Variants in NDC1 observed in about 807,000 individuals in gnomAD.
The protein encoded by NDC1 is NDC1 transmembrane nucleoporin, also known as nucleoporin NDC1.
Under a neutral mutation model 89.8 loss-of-function variants are expected in NDC1, and 24 were observed. The ratio of observed to expected loss-of-function variants is 0.27; its 90% confidence interval spans 0.19 to 0.38. The LOEUF is 0.38. Ranked by LOEUF, NDC1 falls within the 10% of genes least tolerant of loss-of-function variation. The pLI, the probability that NDC1 is intolerant of heterozygous loss-of-function variation, is 1.00. For missense variants in NDC1, 728 were observed against 797.6 expected (o/e 0.91, Z 1.05); for synonymous variants, 296 against 284.8 (o/e 1.04, Z -0.39).
At chr1:53,817,721 C>T (rs1298095719) in intron 6 of NDC1, among the ~76,000 whole-genome samples, 3 of 151,964 alleles carry the variant, frequency 2.0e-5, no homozygotes, top group Non-Finnish European at 4.4e-5. Flanking sequence ...TAGAAATGGA[C>T]TATATAAACT....
intron 15 of NDC1, 40 bp downstream of exon 15, chr1:53,789,093 A>G (rs1237015198): frequency 7.9e-7 from 1 of 1,265,686 alleles, no homozygotes; most frequent in Admixed American, 1.8e-5. Flanking sequence ...TATTTAACTG[A>G]CAATTAAAAT....
At position 53,806,470 on chromosome 1, in the gene NDC1, C is replaced by G. The variant is rs1648113764; in HGVS notation, c.939G>C (p.Glu313Asp). The change falls in exon 9 of 18, where the codon GAG becomes GAC. Residue 313 changes from glutamate (E) to aspartate (D), a missense_variant. Glu to Asp is a conservative substitution (Grantham distance 45). Transcript: ENST00000371429. ...VQPPFAEGSD[E>D]CLPKVLNSNP... ...TGCTATTTAACACTTTTGGAAGGCA[C>G]TCATCTGACCCTTCTGCAAATGGTG... 2 of 1,530,972 alleles carry G rather than the reference C, an allele frequency of 1.3e-6. No individual in the cohort carries two copies. The highest frequency in any genetic ancestry group is 1.7e-6 in the Non-Finnish European group (2 of 1,145,968). 94.8% of individuals were successfully genotyped at this position (1,530,972 alleles called of 1,614,324 possible).
intron 16 of NDC1, among the ~76,000 whole-genome samples, chr1:53,784,349 GA>G (rs1647254856): frequency 6.6e-6 from 1 of 152,140 alleles, no homozygotes; most frequent in Non-Finnish European, 1.5e-5. Flanking sequence ...TCTCTCTGAA[GA>G]AAGAATAAGG....
At chr1:53,813,407 C>T (rs962206020) in intron 6 of NDC1, among the ~76,000 whole-genome samples, 2 of 152,092 alleles carry the variant, frequency 1.3e-5, no homozygotes, top group African/African-American at 4.8e-5. Context: ...CAAGGACCCA[C>T]ATAAACTTAA....
At chr1:53,792,011 C>T (rs1020297404) in intron 14 of NDC1, among the ~76,000 whole-genome samples, 9 of 151,236 alleles carry the variant, frequency 6.0e-5, no homozygotes, top group East Asian at 1.9e-4. Context: ...GGCTCTATCT[C>T]GGCTCACTGC....
intron 5 of NDC1, among the ~76,000 whole-genome samples, chr1:53,824,902 G>C (rs1043995206): frequency 2.0e-5 from 3 of 152,140 alleles, no homozygotes; most frequent in Admixed American, 6.5e-5. Flanking sequence ...GGCCATCCAC[G>C]ATGGCTCACA....
intron 9 of NDC1, among the ~76,000 whole-genome samples, chr1:53,805,235 A>AAGTGCAGTGGCAGGCAAG (rs2100661428): frequency 6.6e-6 from 1 of 152,226 alleles, no homozygotes; most frequent in South Asian, 2.1e-4. Flanking sequence ...ACCCAGGCTA[A>AAGTGCAGTGGCAGGCAAG]AGTGCAGTGG....
chr1:53,804,033 T>C lies in NDC1; in HGVS notation c.985-24A>G, dbSNP rs200405644. 45 of 1,565,118 alleles carry C rather than the reference T, an allele frequency of 2.9e-5. No individual in the cohort carries two copies. In the African/African-American group the frequency reaches 5.0e-4, roughly 17 times the overall value. On this transcript the variant is annotated intron_variant, in intron 9 of 17. Transcript: ENST00000371429. ...TACTAACAGGGGGAAAAAACACATA[T>C]TATTTAATTTTTTTTAACCTCTACA...
chr1:53,795,004 A>G (rs1647651148), intron 13 of NDC1, among the ~76,000 whole-genome samples: 1 of 151,986 alleles, frequency 6.6e-6, no homozygotes, highest in Admixed American at 6.6e-5. Flanking sequence ...TCGTCTACCA[A>G]TCTCTCCTGA....
intron 3 of NDC1, among the ~76,000 whole-genome samples, chr1:53,828,637 G>A (rs1648954684): frequency 6.6e-6 from 1 of 151,400 alleles, no homozygotes; most frequent in Non-Finnish European, 1.5e-5. Flanking sequence ...TTGAGACGGA[G>A]TTTCGCTCTT....
At chr1:53,825,348 T>A (rs1201805976) in intron 5 of NDC1, among the ~76,000 whole-genome samples, 2 of 150,184 alleles carry the variant, frequency 1.3e-5, no homozygotes, top group Non-Finnish European at 3.0e-5. Flanking sequence ...TGATGGCATG[T>A]GGAGGCTGAG....
intron 7 of NDC1, among the ~76,000 whole-genome samples, 183 bp from the exon 8 acceptor site, chr1:53,807,974 T>G (rs1428078931): frequency 1.2e-4 from 18 of 152,202 alleles, no homozygotes; most frequent in Admixed American, 1.0e-3. Context: ...ATGAGGGAGC[T>G]TTAAGGGAAG....
At chr1:53,790,006 G>A (rs1647435233) in intron 14 of NDC1, among the ~76,000 whole-genome samples, 1 of 151,900 alleles carries the variant, frequency 6.6e-6, no homozygotes, top group Non-Finnish European at 1.5e-5. Flanking sequence ...GGGTGGCTGA[G>A]GCAGGAGAAT....
chr1:53,774,900 A>G (rs1335111162), intron 16 of NDC1, among the ~76,000 whole-genome samples: 1 of 152,168 alleles, frequency 6.6e-6, no homozygotes, highest in Non-Finnish European at 1.5e-5. Context: ...CTAAAAAACT[A>G]AATAAATAAA....
At chr1:53,771,420 T>A (rs1169082042) in intron 17 of NDC1, among the ~76,000 whole-genome samples, 1 of 152,212 alleles carries the variant, frequency 6.6e-6, no homozygotes, top group African/African-American at 2.4e-5. Context: ...ATTTCTACAC[T>A]TCACAGGGTC....
chr1:53,795,346 T>G (rs1647661370), intron 13 of NDC1, among the ~76,000 whole-genome samples: 1 of 152,140 alleles, frequency 6.6e-6, no homozygotes, highest in Non-Finnish European at 1.5e-5. Context: ...ACTTCCAAAG[T>G]TACATTTCTA....
chr1:53,780,392 C>T (rs545917907), intron 16 of NDC1, among the ~76,000 whole-genome samples: 1 of 152,294 alleles, frequency 6.6e-6, no homozygotes, highest in South Asian at 2.1e-4. Context: ...CATTTCTATG[C>T]ACAGTGGCAC....
chr1:53,789,114 GT>G lies in NDC1; in HGVS notation c.1699+18del. The G allele has an allele frequency of 6.6e-7, 1 of 1,521,132 alleles. No homozygotes were observed. Among genetic ancestry groups the G allele is most frequent in the Non-Finnish European group, 9.1e-7 (1 of 1,100,516 alleles). 94.2% of individuals were successfully genotyped at this position (1,521,132 alleles called of 1,614,324 possible). On this transcript the variant is annotated intron_variant, in intron 15 of 17. Transcript: ENST00000371429. Reference sequence around the variant, plus strand: ...ACTGACAATTAAAATCATAGTTACAGTTCACAGTCATTGCTTACCTTCTAAT... The same window carrying G: ...ACTGACAATTAAAATCATAGTTACAGTCACAGTCATTGCTTACCTTCTAAT...
chr1:53,793,442 A>G (rs1264925720), intron 13 of NDC1, among the ~76,000 whole-genome samples, 163 bp from the exon 14 acceptor site: 3 of 152,192 alleles, frequency 2.0e-5, no homozygotes, highest in African/African-American at 7.2e-5. Context: ...CCATGTAACT[A>G]AATACCTTTG....
Sources: gnomAD v4.1 joint callset for allele counts (sites outside exome capture counted in the v4.1 genomes callset) on GRCh38, gnomAD v4.1.1 for gene constraint, MANE v1.5 for transcripts, NCBI Gene and HGNC (gene_info 2026-07-23, HGNC 2026-07-21) for gene names.